SH2D2A: variants seen among roughly 807,000 people sequenced by gnomAD.
SH2D2A encodes SH2 domain-containing protein 2A.
In SH2D2A, 33 loss-of-function variants were observed where a neutral mutation model predicts 43.6. The observed-to-expected ratio is 0.76, with a 90% CI of 0.57 to 1.01. The LOEUF is 1.01. Among genes scored for constraint, SH2D2A ranks in the 50% least tolerant of loss-of-function variants. The pLI, the probability that SH2D2A is intolerant of heterozygous loss-of-function variation, is 0.00. For synonymous variants in SH2D2A, 212 were observed against 206.1 expected (o/e 1.03, Z -0.25); for missense variants, 491 against 503.1 (o/e 0.98, Z 0.23).
At chr1:156,808,344 G>A (rs1015174957) in intron 7 of SH2D2A, among the ~76,000 whole-genome samples, 1 of 152,200 alleles carries the variant, frequency 6.6e-6, no homozygotes, top group Non-Finnish European at 1.5e-5. Flanking sequence ...GCAAGGGTGA[G>A]AGCGCTGTTG....
intron 3 of SH2D2A, 95 bp from the exon 4 acceptor site, chr1:156,814,389 G>A (rs966358552): frequency 6.5e-7 from 1 of 1,532,306 alleles, no homozygotes; most frequent in Non-Finnish European, 8.8e-7. Context: ...CTACCCCCAA[G>A]CAAGCATGCT....
At chr1:156,813,087 T>C (rs1461142200) in intron 5 of SH2D2A, among the ~76,000 whole-genome samples, 1 of 152,250 alleles carries the variant, frequency 6.6e-6, no homozygotes, top group African/African-American at 2.4e-5. Flanking sequence ...GAGATCCATC[T>C]GTCTGTCTTG....
chr1:156,810,590 G>A (rs976997791), intron 5 of SH2D2A, among the ~76,000 whole-genome samples: 1 of 149,576 alleles, frequency 6.7e-6, no homozygotes, highest in African/African-American at 2.5e-5. Context: ...GCGCAATCTC[G>A]GCTCACTGCA....
At position 156,809,615 on chromosome 1, in the gene SH2D2A, C is replaced by G; in HGVS notation, c.714+46G>C. On this transcript the variant is annotated intron_variant, in intron 6 of 8. Coordinates refer to ENST00000368199, the MANE Select transcript of SH2D2A (RefSeq NM_003975.4). The surrounding 1 kb of genome is among the most constrained non-coding windows in gnomAD (Gnocchi z 4.8). The stretch of plus-strand genomic sequence containing the variant: ...TCCTCCTCCCCGCTGCCTGCACCCC[C>G]TCGCAGGCCTGTCCTCCCACTCCCT... 6.3e-7 allele frequency: 1 copy of G among 1,577,866 alleles called. No homozygotes were observed. The highest frequency in any genetic ancestry group is 8.6e-7 in the Non-Finnish European group (1 of 1,163,124).
chr1:156,815,962 G>A, intron 2 of SH2D2A, 44 bp downstream of exon 2: 1 of 1,557,254 alleles, frequency 6.4e-7, no homozygotes. Context: ...GGGTGGGAGA[G>A]ATGAGGGAGC....
chr1:156,814,103 C>T, intron 4 of SH2D2A, 87 bp from the exon 5 acceptor site: 1 of 1,521,720 alleles, frequency 6.6e-7, no homozygotes, highest in Non-Finnish European at 8.8e-7. Context: ...TTCAGCAGCC[C>T]GGGGAATGAG....
chr1:156,813,835 C>A lies in SH2D2A; in HGVS notation c.567+13G>T. On this transcript the variant is annotated intron_variant, in intron 5 of 8. Coordinates refer to ENST00000368199, the MANE Select transcript of SH2D2A (RefSeq NM_003975.4). ...AGACCCTGGGCTCTCTGGTCAGGGTCTGGGGCGCGTACCTGTCGGGCGAGG... is the reference window on the plus strand; with the variant it reads ...AGACCCTGGGCTCTCTGGTCAGGGTATGGGGCGCGTACCTGTCGGGCGAGG... 1 of 1,461,256 alleles carries A rather than the reference C, an allele frequency of 6.8e-7. No homozygotes were observed. Among genetic ancestry groups the A allele is most frequent in the Non-Finnish European group, 9.0e-7 (1 of 1,105,744 alleles). The allele number at this position is 1,461,256 out of a possible 1,614,324, so 90.5% of individuals were successfully genotyped here.
Position 156,807,111 on chromosome 1 carries a change from C to T in SH2D2A, c.*3+64G>A. 2 of 1,389,076 alleles carry T rather than the reference C, an allele frequency of 1.4e-6. No homozygotes were observed. The highest frequency in any genetic ancestry group is 2.0e-6 in the Non-Finnish European group (2 of 979,864). 86.0% of individuals were successfully genotyped at this position (1,389,076 alleles called of 1,614,324 possible). On this transcript the variant is annotated intron_variant, in intron 8 of 8. Transcript: ENST00000368199. The surrounding 1 kb of genome is among the most constrained non-coding windows in gnomAD (Gnocchi z 5.1). Reference sequence around the variant, plus strand: ...CCATCCACATTTCTTGAGAAGTGTGCCAGGTGTGTGTGAAGGTCTCTGGAC... The same window carrying T: ...CCATCCACATTTCTTGAGAAGTGTGTCAGGTGTGTGTGAAGGTCTCTGGAC...
intron 7 of SH2D2A, among the ~76,000 whole-genome samples, chr1:156,808,894 A>C (rs1653174264): frequency 6.6e-6 from 1 of 152,222 alleles, no homozygotes; most frequent in Non-Finnish European, 1.5e-5. Context: ...AGATGGACGC[A>C]GATCAAAAAA....
chr1:156,815,368 G>A, intron 2 of SH2D2A, 147 bp from the exon 3 acceptor site: 2 of 637,494 alleles, frequency 3.1e-6, no homozygotes, highest in Non-Finnish European at 5.3e-6. Context: ...CCTTCCTAAA[G>A]TCTAACTTAA....
chr1:156,815,542 C>T (rs1319657769), intron 2 of SH2D2A: 2 of 606,416 alleles, frequency 3.3e-6, no homozygotes, highest in African/African-American at 3.7e-5. Flanking sequence ...CATTCCCTGG[C>T]CTGGAGGATG....
Position 156,811,509 on chromosome 1 carries a change from C to T in SH2D2A, c.568-1702G>A, listed in dbSNP as rs574143111. Among the ~76,000 whole-genome samples, 28 of 152,274 alleles carry T rather than the reference C, an allele frequency of 1.8e-4. No homozygotes were observed. In the South Asian group the frequency reaches 5.8e-3, roughly 32 times the overall value. ...GGTCAGGCTGGCTCCTCCTCACCCC[C>T]AGACTTCCCTACGCCCTGTGAATCT... On this transcript the variant is annotated intron_variant, in intron 5 of 8. Coordinates refer to ENST00000368199, the MANE Select transcript of SH2D2A (RefSeq NM_003975.4).
chr1:156,812,956 C>T (rs890926557), intron 5 of SH2D2A, among the ~76,000 whole-genome samples: 5 of 152,220 alleles, frequency 3.3e-5, no homozygotes, highest in African/African-American at 1.2e-4. Flanking sequence ...ACTGCCTGAA[C>T]TTGTGCACCG....
At chr1:156,806,645 A>C (rs1340603464) in intron 8 of SH2D2A, 72 bp from the exon 9 acceptor site, 1 of 162,784 alleles carries the variant, frequency 6.1e-6, no homozygotes, top group Non-Finnish European at 1.3e-5. Context: ...TCCATGCAGT[A>C]GAACTCTGGA....
At chr1:156,816,219 G>T in intron 1 of SH2D2A, 125 bp from the exon 2 acceptor site, 1 of 1,423,336 alleles carries the variant, frequency 7.0e-7, no homozygotes, top group Non-Finnish European at 9.3e-7. Flanking sequence ...CAGGAAAAAC[G>T]CAGAAGGGCA....
At position 156,815,041 on chromosome 1, in the gene SH2D2A, G is replaced by C. The variant is rs757630933; in HGVS notation, c.304C>G (p.Arg102Gly). The stretch of plus-strand genomic sequence containing the variant: ...ATTTCCTCCTCCATGACTCACCTCC[G>C]GGTGATGAAGCCATGGAACCAGGCA... ...APAWFHGFIT[R>G]REAERLLEPK... is the part of the protein sequence containing the mutation. The change falls in exon 3 of 9, where the codon CGG (arginine) becomes GGG (glycine). Residue 102 changes from arginine (R) to glycine (G), a missense_variant. By Grantham distance (125) the Arg-to-Gly change is moderately radical (BLOSUM62 -2). Coordinates refer to ENST00000368199, the MANE Select transcript of SH2D2A (RefSeq NM_003975.4). 1 of 1,547,692 alleles carries C rather than the reference G, an allele frequency of 6.5e-7. No individual in the cohort carries two copies.
intron 5 of SH2D2A, among the ~76,000 whole-genome samples, chr1:156,810,500 C>T (rs541074893): frequency 2.1e-4 from 32 of 151,728 alleles, no homozygotes; most frequent in Admixed American, 1.2e-3. Context: ...TCTGTACTGC[C>T]GGTTACTTTA....
intron 2 of SH2D2A, chr1:156,815,484 C>T: frequency 1.7e-6 from 1 of 592,788 alleles, no homozygotes; most frequent in South Asian, 2.1e-5. Flanking sequence ...TCACACTGTG[C>T]TCTAGGAGGG....
chr1:156,813,659 C>T (rs1345147817), intron 5 of SH2D2A, among the ~76,000 whole-genome samples, 189 bp downstream of exon 5: 1 of 152,244 alleles, frequency 6.6e-6, no homozygotes, highest in Non-Finnish European at 1.5e-5. Context: ...GACGGTCCCC[C>T]AGCACTCATA....
Sources: gnomAD v4.1 joint callset for allele counts (sites outside exome capture counted in the v4.1 genomes callset) on GRCh38, gnomAD v4.1.1 for gene constraint, Gnocchi (gnomAD v3.1) non-coding constraint, MANE v1.5 for transcripts, NCBI Gene and HGNC (gene_info 2026-07-23, HGNC 2026-07-21) for gene names.